The following SERINC1 variants were observed in gnomAD, a reference collection of about 807,000 sequenced individuals.
SERINC1 encodes serine incorporator 1, also known as tumor differentially expressed protein 2.
Under a neutral mutation model 52.9 loss-of-function variants are expected in SERINC1, and 38 were observed. That is an observed-to-expected ratio of 0.72 (90% CI 0.55 to 0.94). The LOEUF (loss-of-function observed/expected upper bound fraction) is 0.94, where lower values mean the gene tolerates loss of function less well. Ranked by LOEUF, SERINC1 falls within the 40% of genes least tolerant of loss-of-function variation. The pLI is 0.00. For missense variants in SERINC1, 471 were observed against 533.9 expected (o/e 0.88, Z 1.16); for synonymous variants, 198 against 183.1 (o/e 1.08, Z -0.66).
chr6:122,452,108 C>A (rs1002263200), intron 5 of SERINC1, 51 bp from the exon 6 acceptor site: 59 of 1,240,884 alleles, frequency 4.8e-5, no homozygotes, highest in Non-Finnish European at 6.0e-5. Flanking sequence ...AAATTATTAG[C>A]AATTAGAAAT....
rs1360447105 is a variant in SERINC1 at position 122,461,907 on chromosome 6, C to T, written c.40-3226G>A. Among the ~76,000 whole-genome samples, 3 of 151,948 alleles carry T rather than the reference C, an allele frequency of 2.0e-5. No individual in the cohort carries two copies. In the East Asian group the frequency reaches 5.8e-4, roughly 29 times the overall value. The stretch of plus-strand genomic sequence containing the variant: ...TGGGCCAGAATTACAGAGACTAAAT[C>T]CAAAGACATCATAAGAAAATAATAG... On this transcript the variant is annotated intron_variant, in intron 1 of 9. Transcript: ENST00000339697.
chr6:122,454,284 C>A, intron 3 of SERINC1, 54 bp from the exon 4 acceptor site: 1 of 918,662 alleles, frequency 1.1e-6, no homozygotes, highest in South Asian at 1.6e-5. Context: ...CAAATAATTT[C>A]ATATATGAAA....
At chr6:122,457,353 C>T (rs961978961) in intron 2 of SERINC1, among the ~76,000 whole-genome samples, 2 of 152,200 alleles carry the variant, frequency 1.3e-5, no homozygotes, top group Non-Finnish European at 2.9e-5. Flanking sequence ...CTTCAGCATA[C>T]GCTGCCATGG....
rs890652151 is a variant in SERINC1 at position 122,444,175 on chromosome 6, C to T, written c.*869G>A. ...AAGCCCAGATTATTTTTTATAGAAA[C>T]AGGGTTTCACCATGTTGCCCAGGCT... On this transcript the variant is annotated 3_prime_UTR_variant, in exon 10 of 10. Coordinates refer to ENST00000339697, the MANE Select transcript of SERINC1 (RefSeq NM_020755.4). The T allele has an allele frequency of 7.2e-5, 11 of 151,926 alleles. No homozygotes were observed. The highest frequency in any genetic ancestry group is 2.7e-4 in the African/African-American group (11 of 41,352). The allele number at this position is 151,926 out of a possible 1,614,324, so 9.4% of individuals were successfully genotyped here. A position where few individuals can be genotyped will look rare whatever the true frequency, so the allele number is the denominator to read the frequency against.
At chr6:122,449,331 G>A (rs755919608) in intron 7 of SERINC1, among the ~76,000 whole-genome samples, 6 of 152,152 alleles carry the variant, frequency 3.9e-5, no homozygotes, top group Non-Finnish European at 5.9e-5. Flanking sequence ...GCTGAGTTGC[G>A]AATGCAAAGA....
intron 1 of SERINC1, among the ~76,000 whole-genome samples, chr6:122,468,258 A>C (rs1216646318): frequency 6.6e-6 from 1 of 152,164 alleles, no homozygotes; most frequent in Non-Finnish European, 1.5e-5. Flanking sequence ...AGACTTTCTT[A>C]ACCATGTTGT....
rs1774703188 is a variant in SERINC1 at position 122,443,499 on chromosome 6, T to A, written c.*1545A>T. ...ATATTTTTAAAGAAGAAATTGTAGATTTTAAAAGCTTCATTAGACACTAGT... is the reference window on the plus strand; with the variant it reads ...ATATTTTTAAAGAAGAAATTGTAGAATTTAAAAGCTTCATTAGACACTAGT... On this transcript the variant is annotated 3_prime_UTR_variant, in exon 10 of 10. Transcript: ENST00000339697. 1 of 152,228 alleles carries A rather than the reference T, an allele frequency of 6.6e-6. No homozygotes were observed. Among genetic ancestry groups the A allele is most frequent in the African/African-American group, 2.4e-5 (1 of 41,470 alleles). The allele number at this position is 152,228 out of a possible 1,614,324, so 9.4% of individuals were successfully genotyped here.
intron 1 of SERINC1, among the ~76,000 whole-genome samples, chr6:122,468,182 TA>T (rs1775218713): frequency 6.6e-6 from 1 of 152,196 alleles, no homozygotes; most frequent in Admixed American, 6.5e-5. Flanking sequence ...AATCTAAAAT[TA>T]AAATGTCCTT....
At chr6:122,461,698 C>G (rs763090136) in intron 1 of SERINC1, among the ~76,000 whole-genome samples, 2 of 151,206 alleles carry the variant, frequency 1.3e-5, no homozygotes, top group South Asian at 2.1e-4. Context: ...AAAATATCTT[C>G]CAAAAATTAA....
chr6:122,453,150 C>T (rs1774940186), intron 5 of SERINC1, among the ~76,000 whole-genome samples: 2 of 152,170 alleles, frequency 1.3e-5, no homozygotes, highest in Admixed American at 1.3e-4. Flanking sequence ...AGCTTATGCA[C>T]TTAAACTCTG....
At chr6:122,471,440 A>T (rs1222308206) in intron 1 of SERINC1, among the ~76,000 whole-genome samples, 1 of 152,136 alleles carries the variant, frequency 6.6e-6, no homozygotes. Flanking sequence ...GAGGGGCCCT[A>T]TTCTAGTTCT....
At chr6:122,447,970 T>C (rs1562212634) in intron 7 of SERINC1, among the ~76,000 whole-genome samples, 1 of 151,752 alleles carries the variant, frequency 6.6e-6, no homozygotes, top group Non-Finnish European at 1.5e-5. Context: ...AAAAATCAGC[T>C]GGGCGTGGTG....
At chr6:122,452,652 T>C (rs1220857119) in intron 5 of SERINC1, among the ~76,000 whole-genome samples, 1 of 152,206 alleles carries the variant, frequency 6.6e-6, no homozygotes, top group East Asian at 1.9e-4. Flanking sequence ...TACAAGTATT[T>C]ATGTAGATTT....
intron 3 of SERINC1, among the ~76,000 whole-genome samples, chr6:122,455,131 G>A (rs1363165278): frequency 6.6e-6 from 1 of 152,034 alleles, no homozygotes; most frequent in Admixed American, 6.6e-5. Context: ...GATGTATACG[G>A]GTTCAAGTTG....
Position 122,458,521 on chromosome 6 carries a change from T to A in SERINC1, c.200A>T (p.Lys67Met), listed in dbSNP as rs776234601. The A allele has an allele frequency of 1.2e-6, 2 of 1,610,500 alleles. No homozygotes were observed. Among genetic ancestry groups the A allele is most frequent in the African/African-American group, 2.7e-5 (2 of 74,840 alleles). Reference protein sequence around the residue: ...LIPGMEEQLNKIPGFCENEKG... With the variant: ...LIPGMEEQLNMIPGFCENEKG... ...CAATAAATAAGAAACGAGACTAACC[T>A]TATTCAGTTGTTCTTCCATTCCTGG... is the stretch of plus-strand genomic sequence containing the variant. Residue 67 changes from lysine to methionine, a missense_variant and splice_region_variant, in exon 2 of 10, where the codon AAG becomes ATG. Transcript: ENST00000339697.
chr6:122,456,116 A>T (rs1774988755), intron 3 of SERINC1, among the ~76,000 whole-genome samples: 1 of 152,194 alleles, frequency 6.6e-6, no homozygotes, highest in African/African-American at 2.4e-5. Flanking sequence ...CAATACAACC[A>T]ACCTAGAAAA....
At position 122,446,856 on chromosome 6, in the gene SERINC1, C is replaced by A. The variant is rs570214246; in HGVS notation, c.1144G>T (p.Val382Phe). ...HRAVDNERDG[V>F]TYSYSFFHFM... is the part of the protein sequence containing the mutation. ...TGAAAGAAGGAATAACTGTAAGTGA[C>A]ACCATCCCTTTCATTATCTACAGCT... Residue 382 changes from valine (V) to phenylalanine (F), a missense_variant, in exon 9 of 10, where the codon GTC becomes TTC. By Grantham distance (50) the Val-to-Phe change is conservative (BLOSUM62 -1). Transcript: ENST00000339697. 9.9e-6 allele frequency: 16 copies of A among 1,614,014 alleles called. No individual in the cohort carries two copies. In the South Asian group the frequency reaches 1.6e-4, roughly 17 times the overall value.
At chr6:122,459,450 A>G (rs1178891787) in intron 1 of SERINC1, among the ~76,000 whole-genome samples, 1 of 152,188 alleles carries the variant, frequency 6.6e-6, no homozygotes, top group East Asian at 1.9e-4. Context: ...AGAGTCTTAG[A>G]TATCACAGTA....
rs1774997212 is a variant in SERINC1, at chr6:122,456,470, T to C, written c.371+11A>G. On this transcript the variant is annotated intron_variant, in intron 3 of 9. Transcript: ENST00000339697. ...CCAAGCTTTTATATTGAAGCTTATT[T>C]AAAAACTTACCCATTGTGCACTGCA... The C allele has an allele frequency of 1.3e-6, 2 of 1,489,188 alleles. No homozygotes were observed. The highest frequency in any genetic ancestry group is 1.8e-6 in the Non-Finnish European group (2 of 1,118,936). 92.2% of individuals were successfully genotyped at this position (1,489,188 alleles called of 1,614,324 possible). A position where few individuals can be genotyped will look rare whatever the true frequency, so the allele number is the denominator to read the frequency against.
Sources: gnomAD v4.1 joint callset for allele counts (sites outside exome capture counted in the v4.1 genomes callset) on GRCh38, gnomAD v4.1.1 for gene constraint, MANE v1.5 for transcripts, NCBI Gene and HGNC (gene_info 2026-07-23, HGNC 2026-07-21) for gene names.